The following UGT1A9 variants were observed in gnomAD, a reference collection of about 807,000 sequenced individuals.
The protein encoded by UGT1A9 is UDP-glucuronosyltransferase 1A9.
Under a neutral mutation model 45.0 loss-of-function variants are expected in UGT1A9, and 35 were observed. That is an observed-to-expected ratio of 0.78 (90% CI 0.59 to 1.03). UGT1A9 has a LOEUF of 1.03. UGT1A9 is among the 50% of genes least tolerant of loss of function. The pLI is 0.00. For synonymous variants in UGT1A9, 278 were observed against 250.6 expected, an observed-to-expected ratio of 1.11 and a Z score of -1.03; for missense variants, 687 against 666.6, an observed-to-expected ratio of 1.03 and a Z score of -0.34.
Position 233,772,483 on chromosome 2 carries a change from G to C in UGT1A9, c.1517G>C (p.Cys506Ser). The change falls in exon 5 of 5, where the codon TGT (cysteine) becomes TCT (serine). Residue 506 changes from cysteine to serine, a missense_variant. Physicochemically the swap from Cys to Ser is moderately radical, Grantham distance 112. Transcript: ENST00000354728. ...ACAGTGGCCTTCATCACCTTTAAAT[G>C]TTGTGCTTATGGCTACCGGAAATGC... ...VLTVAFITFK[C>S]CAYGYRKCLG... The C allele has an allele frequency of 6.2e-7, 1 of 1,614,146 alleles. No individual in the cohort carries two copies. The highest frequency in any genetic ancestry group is 8.5e-7 in the Non-Finnish European group (1 of 1,180,048).
chr2:233,742,223 A>G (rs1691912162), intron 1 of UGT1A9, among the ~76,000 whole-genome samples: 1 of 151,938 alleles, frequency 6.6e-6, no homozygotes, highest in South Asian at 2.1e-4. Flanking sequence ...CAGGGCTGAG[A>G]GCCCCAAACA....
At chr2:233,699,279 C>A (rs2075495770) in intron 1 of UGT1A9, among the ~76,000 whole-genome samples, 1 of 152,096 alleles carries the variant, frequency 6.6e-6, no homozygotes, top group African/African-American at 2.4e-5. Context: ...TGAATCCAGG[C>A]CAGATGCTGG....
chr2:233,690,110 CAT>C lies in UGT1A9; in HGVS notation c.855+17324_855+17325del, dbSNP rs575670687. ...TAAATTGCTCCTGCATCTTATGTCA[CAT>C]ATGTCTTTGTAACTTGGTGAGCTAA... On this transcript the variant is annotated intron_variant, in intron 1 of 4. Coordinates refer to ENST00000354728, the MANE Select transcript of UGT1A9 (RefSeq NM_021027.3). 4.1e-3 allele frequency among the ~76,000 whole-genome samples: 622 copies of C among 152,324 alleles called. 1 individual carries two copies. Among genetic ancestry groups the C allele is most frequent in the Middle Eastern group, 0.01 (3 of 294 alleles).
intron 1 of UGT1A9, chr2:233,760,592 A>G (rs2125986394): frequency 1.1e-5 from 18 of 1,614,212 alleles, no homozygotes; most frequent in Non-Finnish European, 1.5e-5. Flanking sequence ...GTTTTTGAGA[A>G]TGATTCTTTC....
chr2:233,732,909 C>T (rs2078335014), intron 1 of UGT1A9, among the ~76,000 whole-genome samples: 1 of 152,070 alleles, frequency 6.6e-6, no homozygotes, highest in African/African-American at 2.4e-5. Context: ...GCAGTATGGC[C>T]ATTTTCACGA....
intron 1 of UGT1A9, chr2:233,682,602 A>AT (rs1476036720): frequency 6.2e-7 from 1 of 1,613,674 alleles, no homozygotes; most frequent in African/African-American, 1.3e-5. Flanking sequence ...TTTTGCCCCT[A>AT]TTTTTTCAAA....
At chr2:233,675,526 C>T (rs932255711) in intron 1 of UGT1A9, among the ~76,000 whole-genome samples, 1 of 152,212 alleles carries the variant, frequency 6.6e-6, no homozygotes, top group East Asian at 1.9e-4. Flanking sequence ...ATCTGTGCTT[C>T]CCCCCTTGCT....
At chr2:233,758,572 TGAA>T (rs1353385899) in intron 1 of UGT1A9, among the ~76,000 whole-genome samples, 1 of 152,298 alleles carries the variant, frequency 6.6e-6, no homozygotes, top group East Asian at 1.9e-4. Flanking sequence ...TCCTAAAAAA[TGAA>T]GAGTGTTTGG....
chr2:233,682,167 A>C (rs765761733), intron 1 of UGT1A9: 9 of 1,614,002 alleles, frequency 5.6e-6, no homozygotes, highest in Admixed American at 5.0e-5. Flanking sequence ...GTGAAGACTT[A>C]CTCAACCTCA....
At chr2:233,759,816 G>A (rs540177588) in intron 1 of UGT1A9, among the ~76,000 whole-genome samples, 1 of 152,166 alleles carries the variant, frequency 6.6e-6, no homozygotes, top group Non-Finnish European at 1.5e-5. Flanking sequence ...AGGCAGTACC[G>A]GGGGAGCTGT....
Position 233,757,535 on chromosome 2 carries a change from A to AATATATATACATATACATATAT in UGT1A9, c.856-9490_856-9489insCATATACATATATATATATATA, listed in dbSNP as rs376887521. Among the ~76,000 whole-genome samples, 172 of 87,958 alleles carry AATATATATACATATACATATAT rather than the reference A, an allele frequency of 2.0e-3. 2 individuals carry two copies. The highest frequency in any genetic ancestry group is 3.2e-3 in the South Asian group (6 of 1,904). The allele number at this position is 87,958 out of a possible 152,430, so 57.7% of individuals were successfully genotyped here. On this transcript the variant is annotated intron_variant, in intron 1 of 4. Coordinates refer to ENST00000354728, the MANE Select transcript of UGT1A9 (RefSeq NM_021027.3). ...CAAAGCCAAAATCTTGCCTGTAAGG[A>AATATATATACATATACATATAT]ATATATATATATATATATATATATA... is the stretch of plus-strand genomic sequence containing the variant.
chr2:233,756,867 A>G (rs1696345669), intron 1 of UGT1A9, among the ~76,000 whole-genome samples: 1 of 152,076 alleles, frequency 6.6e-6, no homozygotes, highest in African/African-American at 2.4e-5. Flanking sequence ...CATAAAGGGT[A>G]TTAGGTGTAA....
intron 1 of UGT1A9, chr2:233,682,105 C>G (rs7577789): frequency 6.2e-7 from 1 of 1,613,960 alleles, no homozygotes; most frequent in Non-Finnish European, 8.5e-7. Flanking sequence ...ATGAGGTGGT[C>G]GTAGTCATGC....
intron 1 of UGT1A9, among the ~76,000 whole-genome samples, chr2:233,686,505 GT>G (rs2074792464): frequency 6.6e-6 from 1 of 152,032 alleles, no homozygotes; most frequent in Admixed American, 6.5e-5. Flanking sequence ...GTGAGCCCAG[GT>G]GGAGCCTCCA....
intron 1 of UGT1A9, chr2:233,761,038 G>A: frequency 6.2e-7 from 1 of 1,614,174 alleles, no homozygotes; most frequent in Non-Finnish European, 8.5e-7. Flanking sequence ...ATTGAGCTCT[G>A]CATCTGTCTG....
chr2:233,751,108 A>G, intron 1 of UGT1A9, among the ~76,000 whole-genome samples: 1 of 151,960 alleles, frequency 6.6e-6, no homozygotes. Context: ...TTGCCCTGCA[A>G]GCCACAGTGT....
chr2:233,718,710 T>G (rs1277838228), intron 1 of UGT1A9: 4 of 1,606,080 alleles, frequency 2.5e-6, no homozygotes, highest in Admixed American at 1.7e-5. Flanking sequence ...TGTCTTCCAA[T>G]TACATGCTGA....
In UGT1A9 at chr2:233,722,182, C is replaced by T. The variant is rs530414552; in HGVS notation, c.856-44852C>T. On this transcript the variant is annotated intron_variant, in intron 1 of 4. Transcript: ENST00000354728. ...GTCACCTGGAGACCTTTGCCATGTT[C>T]GTGCCAATTTACTGAGTGCATGAAA... The T allele has an allele frequency of 1.0e-4, 16 of 156,916 alleles. No homozygotes were observed. The Middle Eastern group carries it at 8.9e-3, about 87-fold the overall frequency. 9.7% of individuals were successfully genotyped at this position (156,916 alleles called of 1,614,324 possible).
Position 233,672,477 on chromosome 2 carries a change from A to G in UGT1A9, c.543A>G (p.Ala181=), listed in dbSNP as rs892727312. 2.5e-6 allele frequency: 4 copies of G among 1,613,828 alleles called. No individual in the cohort carries two copies. The African/African-American group carries it at 5.3e-5, about 22-fold the overall frequency. The part of the protein sequence containing the change: ...GILCHYLEEG[A]QCPAPLSYVP... Reference sequence around the variant, plus strand: ...TTTGCCACTATCTTGAAGAAGGTGCACAGTGCCCTGCTCCTCTTTCCTATG... The same window carrying G: ...TTTGCCACTATCTTGAAGAAGGTGCGCAGTGCCCTGCTCCTCTTTCCTATG... Residue 181 remains alanine, a synonymous_variant, in exon 1 of 5, where the codon GCA becomes GCG. Transcript: ENST00000354728.
Sources: allele counts gnomAD v4.1 joint callset (sites outside exome capture counted in the v4.1 genomes callset), GRCh38; gene constraint gnomAD v4.1.1; transcripts MANE v1.5; gene names NCBI Gene and HGNC (gene_info 2026-07-23, HGNC 2026-07-21).